The following RANBP2 variants were observed in gnomAD, a reference collection of about 807,000 sequenced individuals.
RANBP2 encodes the protein E3 SUMO-protein ligase RanBP2.
A neutral mutation model predicts 303.6 loss-of-function variants in RANBP2; 57 were observed. The observed-to-expected ratio is 0.19, with a 90% confidence interval of 0.15 to 0.23. The LOEUF (loss-of-function observed/expected upper bound fraction) is 0.23, where lower values mean the gene tolerates loss of function less well. RANBP2 is among the 10% of genes least tolerant of loss of function. The probability of loss-of-function intolerance (pLI) is 1.00; values close to 1 mark genes in which losing one functional copy is unlikely to be tolerated. For missense variants in RANBP2, 3,138 were observed against 3,780.8 expected (o/e 0.83, Z 4.46); for synonymous variants, 1,167 against 1,301.5 (o/e 0.90, Z 2.23).
At chr2:108,831,048 AAC>A in the RANBP2 span, among the ~76,000 whole-genome samples, 1 of 152,018 alleles carries the variant, frequency 6.6e-6, no homozygotes, top group Non-Finnish European at 1.5e-5. Context: ...GGTGGTGCAT[AAC>A]TGTAATCCCA....
chr2:109,734,236 T>C, the RANBP2 span, among the ~76,000 whole-genome samples: 1 of 149,846 alleles, frequency 6.7e-6, no homozygotes, highest in African/African-American at 2.4e-5. Flanking sequence ...TATTTATAGA[T>C]GATATAATCC....
At chr2:108,866,644 G>T in the RANBP2 span, among the ~76,000 whole-genome samples, 1 of 152,148 alleles carries the variant, frequency 6.6e-6, no homozygotes, top group Admixed American at 6.5e-5. Flanking sequence ...CAGCACTTTG[G>T]GAGGCTGAGG....
the RANBP2 span, among the ~76,000 whole-genome samples, chr2:109,679,174 T>G: frequency 6.6e-6 from 1 of 152,030 alleles, no homozygotes; most frequent in South Asian, 2.1e-4. Flanking sequence ...AAGCACAAAA[T>G]GCAAAAAATG....
the RANBP2 span, among the ~76,000 whole-genome samples, chr2:108,948,896 T>G: frequency 6.6e-6 from 1 of 152,098 alleles, no homozygotes; most frequent in Non-Finnish European, 1.5e-5. Flanking sequence ...GGCAGGATGA[T>G]CACTTGAGGC....
the RANBP2 span, among the ~76,000 whole-genome samples, chr2:109,653,443 C>A: frequency 6.6e-6 from 1 of 151,766 alleles, no homozygotes; most frequent in Non-Finnish European, 1.5e-5. Flanking sequence ...TCCTGTCATG[C>A]ATGACAGGCA....
chr2:108,947,649 T>C, the RANBP2 span, among the ~76,000 whole-genome samples: 1 of 152,332 alleles, frequency 6.6e-6, no homozygotes, highest in East Asian at 1.9e-4. Flanking sequence ...TCTGAAGCAA[T>C]GGCCTGAGCT....
the RANBP2 span, among the ~76,000 whole-genome samples, chr2:108,939,486 G>T: frequency 6.6e-6 from 1 of 152,182 alleles, no homozygotes; most frequent in African/African-American, 2.4e-5. Context: ...AGGTGGGGAG[G>T]TCAGGAGGAC....
At chr2:108,720,038 A>G (rs1243345039) in intron 1 of RANBP2, 1 of 984,874 alleles carries the variant, frequency 1.0e-6, no homozygotes, top group African/African-American at 1.8e-5. Context: ...CGGGTGCTGT[A>G]TCGGCGGGTT....
the RANBP2 span, among the ~76,000 whole-genome samples, chr2:109,697,858 G>GTTT: frequency 2.0e-4 from 25 of 127,648 alleles, no homozygotes; most frequent in African/African-American, 2.8e-4. Context: ...TTAGTCTAAA[G>GTTT]TTTTTTTTTT....
chr2:109,117,367 G>A, the RANBP2 span, among the ~76,000 whole-genome samples: 11 of 152,298 alleles, frequency 7.2e-5, no homozygotes, highest in Middle Eastern at 3.4e-3. Flanking sequence ...CCTCACTGCC[G>A]CCTTGCAGTT....
chr2:109,129,303 G>A, the RANBP2 span: 82 of 746,532 alleles, frequency 1.1e-4, no homozygotes, highest in Middle Eastern at 3.4e-4. Flanking sequence ...CAGGCGCTGC[G>A]CTCAGGACTG....
chr2:109,163,350 C>A, the RANBP2 span, among the ~76,000 whole-genome samples: 43 of 141,106 alleles, frequency 3.0e-4, no homozygotes, highest in African/African-American at 1.1e-3. Flanking sequence ...CATCAAAGGG[C>A]GGACTGGAGT....
the RANBP2 span, among the ~76,000 whole-genome samples, chr2:108,842,140 G>A: frequency 1.3e-5 from 2 of 151,840 alleles, no homozygotes; most frequent in Non-Finnish European, 2.9e-5. Context: ...CAATCCTTCT[G>A]CCTCAGCCTC....
chr2:109,331,790 A>G, the RANBP2 span, among the ~76,000 whole-genome samples: 1 of 152,174 alleles, frequency 6.6e-6, no homozygotes, highest in Non-Finnish European at 1.5e-5. Flanking sequence ...TGAATATAAT[A>G]TTAAGATGAT....
At chr2:108,793,186 T>G in the RANBP2 span, among the ~76,000 whole-genome samples, 1 of 143,732 alleles carries the variant, frequency 7.0e-6, no homozygotes. Flanking sequence ...TGAAACCCTG[T>G]CTCTACTAAA....
chr2:109,471,651 A>G, the RANBP2 span, among the ~76,000 whole-genome samples: 2 of 152,286 alleles, frequency 1.3e-5, no homozygotes, highest in African/African-American at 2.4e-5. Context: ...TTGCTGTCCA[A>G]GCCACCTGCT....
intron 23 of RANBP2, among the ~76,000 whole-genome samples, chr2:108,774,704 C>CTTTTTTTTTTTTTT (rs5833302): frequency 7.2e-6 from 1 of 138,230 alleles, no homozygotes; most frequent in Non-Finnish European, 1.6e-5. Context: ...TTTCTAGTTT[C>CTTTTTTTTTTTTTT]TTTTTTTTTT....
the RANBP2 span, among the ~76,000 whole-genome samples, chr2:109,645,071 G>A: frequency 1.4e-3 from 212 of 152,308 alleles, 2 homozygotes; most frequent in East Asian, 0.022. Context: ...AAGCCAGCGG[G>A]ATCCTAAATG....
the RANBP2 span, among the ~76,000 whole-genome samples, chr2:109,003,273 G>C: frequency 6.7e-6 from 1 of 148,976 alleles, no homozygotes; most frequent in African/African-American, 2.5e-5. Context: ...TTCTTCACCA[G>C]CTGTCAGCTC....
Sources: allele counts gnomAD v4.1 joint callset (sites outside exome capture counted in the v4.1 genomes callset), GRCh38; gene constraint gnomAD v4.1.1; transcripts MANE v1.5; gene names NCBI Gene and HGNC (gene_info 2026-07-23, HGNC 2026-07-21).